Variants in SMAD3 observed in about 807,000 individuals in gnomAD.
SMAD3 encodes SMAD family member 3, also known as MAD homolog 3.
In SMAD3, 12 loss-of-function variants were observed where a neutral mutation model predicts 51.8. The ratio of observed to expected loss-of-function variants is 0.23; its 90% CI spans 0.15 to 0.38. The LOEUF (loss-of-function observed/expected upper bound fraction) is 0.38. Ranked by LOEUF, SMAD3 falls within the 10% of genes least tolerant of loss-of-function variation. The pLI, the probability that SMAD3 is intolerant of heterozygous loss-of-function variation, is 1.00. For missense variants in SMAD3, 294 were observed against 565.6 expected (o/e 0.52, Z 4.87); for synonymous variants, 238 against 227.7 (o/e 1.05, Z -0.41).
intron 1 of SMAD3, among the ~76,000 whole-genome samples, chr15:67,122,855 C>CT (rs1156458584): frequency 1.3e-5 from 2 of 152,130 alleles, no homozygotes; most frequent in Non-Finnish European, 2.9e-5. Flanking sequence ...GTTTCTTCAT[C>CT]TGTAAAACAG....
chr15:67,156,384 A>G (rs1962283713), intron 1 of SMAD3, among the ~76,000 whole-genome samples: 1 of 152,210 alleles, frequency 6.6e-6, no homozygotes, highest in Non-Finnish European at 1.5e-5. Context: ...TAAGGCCTCT[A>G]GGTAGGTTGT....
intron 4 of SMAD3, among the ~76,000 whole-genome samples, chr15:67,168,932 C>G (rs1962668559): frequency 6.6e-6 from 1 of 152,142 alleles, no homozygotes; most frequent in Non-Finnish European, 1.5e-5. Context: ...TCACGTTGTT[C>G]CCCATGTCCC....
chr15:67,107,156 A>T (rs1960897396), intron 1 of SMAD3, among the ~76,000 whole-genome samples: 1 of 151,506 alleles, frequency 6.6e-6, no homozygotes, highest in Admixed American at 6.6e-5. Flanking sequence ...AGTGCATTAA[A>T]AAAAAAAAAA....
chr15:67,167,126 G>A (rs1036034169), intron 4 of SMAD3, among the ~76,000 whole-genome samples: 3 of 152,152 alleles, frequency 2.0e-5, no homozygotes, highest in Non-Finnish European at 4.4e-5. Flanking sequence ...CACACAGCAG[G>A]GCCACTTCAC....
chr15:67,066,100 G>T lies in SMAD3; in HGVS notation c.-55G>T. 1 of 1,437,522 alleles carries T rather than the reference G, an allele frequency of 7.0e-7. No individual in the cohort carries two copies. The highest frequency in any genetic ancestry group is 1.2e-5 in the South Asian group (1 of 81,452). 89.0% of individuals were successfully genotyped at this position (1,437,522 alleles called of 1,614,324 possible). ...CTCCCCTCTGCGCCCCCGGCGTCCC[G>T]TCGAGCCCAGCCCCGCCGGGGGCGC... On this transcript the variant is annotated 5_prime_UTR_variant, in exon 1 of 9. Transcript: ENST00000327367.
At chr15:67,168,318 C>T (rs1394655250) in intron 4 of SMAD3, among the ~76,000 whole-genome samples, 1 of 152,218 alleles carries the variant, frequency 6.6e-6, no homozygotes, top group African/African-American at 2.4e-5. Flanking sequence ...GCCTGGACAT[C>T]GTGGCACTTT....
At chr15:67,078,872 C>T (rs1960223706) in intron 1 of SMAD3, among the ~76,000 whole-genome samples, 1 of 152,184 alleles carries the variant, frequency 6.6e-6, no homozygotes, top group South Asian at 2.1e-4. Context: ...AAACAATGAC[C>T]TCCCTCAAGG....
At chr15:67,125,442 T>C (rs1408626200) in intron 1 of SMAD3, among the ~76,000 whole-genome samples, 1 of 152,222 alleles carries the variant, frequency 6.6e-6, no homozygotes, top group African/African-American at 2.4e-5. Context: ...TCTGTCCTCA[T>C]TGTTACTGGC....
At chr15:67,067,342 C>T (rs1296457786) in intron 1 of SMAD3, among the ~76,000 whole-genome samples, 1 of 152,218 alleles carries the variant, frequency 6.6e-6, no homozygotes. Context: ...CCCCCAGGGC[C>T]TTCCTTAGCT....
At chr15:67,141,184 G>T (rs1349179047) in intron 1 of SMAD3, among the ~76,000 whole-genome samples, 1 of 152,172 alleles carries the variant, frequency 6.6e-6, no homozygotes, top group Non-Finnish European at 1.5e-5. Context: ...CAAGTGAGGT[G>T]GGGAAGTGGA....
Position 67,167,444 on chromosome 15 carries a change from T to A in SMAD3, c.607+591T>A, listed in dbSNP as rs186492910. Among the ~76,000 whole-genome samples, 268 of 152,216 alleles carry A rather than the reference T, an allele frequency of 1.8e-3. 2 individuals are homozygous for A. Among genetic ancestry groups the A allele is most frequent in the African/African-American group, 6.3e-3 (261 of 41,524 alleles). The stretch of plus-strand genomic sequence containing the variant: ...GGACCTTCAAGCTAGCCAGACCACT[T>A]GGCATTTAGTCAGGGCTGATGGGAA... On this transcript the variant is annotated intron_variant, in intron 4 of 8. Transcript: ENST00000327367.
At chr15:67,184,235 A>G (rs1029620501) in intron 6 of SMAD3, among the ~76,000 whole-genome samples, 6 of 151,408 alleles carry the variant, frequency 4.0e-5, no homozygotes, top group African/African-American at 1.5e-4. Flanking sequence ...CCAAGCAGCT[A>G]GGACTACAAG....
chr15:67,066,713 T>G (rs1959929079), intron 1 of SMAD3, among the ~76,000 whole-genome samples: 1 of 152,074 alleles, frequency 6.6e-6, no homozygotes, highest in African/African-American at 2.4e-5. Context: ...TTTGTTCGGC[T>G]CCGCGGGCCG....
At chr15:67,154,474 C>T (rs1156443526) in intron 1 of SMAD3, among the ~76,000 whole-genome samples, 1 of 152,148 alleles carries the variant, frequency 6.6e-6, no homozygotes, top group South Asian at 2.1e-4. Flanking sequence ...CAGCTACAGG[C>T]AGAGCACATG....
intron 1 of SMAD3, among the ~76,000 whole-genome samples, chr15:67,115,911 A>T (rs1961124584): frequency 6.6e-6 from 1 of 152,194 alleles, no homozygotes; most frequent in African/African-American, 2.4e-5. Flanking sequence ...ATAGGAGCCA[A>T]GACCAAAGGG....
At position 67,191,031 on chromosome 15, in the gene SMAD3, C is replaced by T; in HGVS notation, c.*495C>T. 4.2e-6 allele frequency: 1 copy of T among 239,676 alleles called. No individual in the cohort carries two copies. Among genetic ancestry groups the T allele is most frequent in the Non-Finnish European group, 8.2e-6 (1 of 121,686 alleles). 14.8% of individuals were successfully genotyped at this position (239,676 alleles called of 1,614,324 possible). On this transcript the variant is annotated 3_prime_UTR_variant, in exon 9 of 9. Coordinates refer to ENST00000327367, the MANE Select transcript of SMAD3 (RefSeq NM_005902.4). Reference sequence around the variant, plus strand: ...TGCCTCTTCCAGTGAACATTCCCAGCCCAGCCCCGCCCCGCCCCGCCCCAC... The same window carrying T: ...TGCCTCTTCCAGTGAACATTCCCAGTCCAGCCCCGCCCCGCCCCGCCCCAC...
intron 1 of SMAD3, among the ~76,000 whole-genome samples, chr15:67,150,094 C>A (rs1255956566): frequency 6.6e-6 from 1 of 152,196 alleles, no homozygotes; most frequent in African/African-American, 2.4e-5. Flanking sequence ...GTAAATGTCC[C>A]AACCATACTG....
intron 1 of SMAD3, among the ~76,000 whole-genome samples, chr15:67,148,821 G>T (rs942867578): frequency 6.6e-6 from 1 of 152,212 alleles, no homozygotes; most frequent in Non-Finnish European, 1.5e-5. Flanking sequence ...GCTGATGCAC[G>T]CTATCAGCTA....
At chr15:67,087,541 A>G (rs74019898) in intron 1 of SMAD3, among the ~76,000 whole-genome samples, 2,234 of 152,328 alleles carry the variant, frequency 0.015, 51 homozygotes, top group African/African-American at 0.051. Flanking sequence ...TTATCTGTGC[A>G]TCAGAAAACT....
Sources: allele counts gnomAD v4.1 joint callset (sites outside exome capture counted in the v4.1 genomes callset), GRCh38; gene constraint gnomAD v4.1.1; transcripts MANE v1.5; gene names NCBI Gene and HGNC (gene_info 2026-07-23, HGNC 2026-07-21).